Variants in VDAC2 observed in about 807,000 individuals in gnomAD.
VDAC2 encodes the protein non-selective voltage-gated ion channel VDAC2.
Under a neutral mutation model 36.6 loss-of-function variants are expected in VDAC2, and 6 were observed. The ratio of observed to expected loss-of-function variants is 0.16; its 90% CI spans 0.09 to 0.32. The LOEUF is 0.32. Among genes scored for constraint, VDAC2 ranks in the 10% least tolerant of loss-of-function variants. The pLI is 1.00. For synonymous variants in VDAC2, 109 were observed against 123.8 expected (o/e 0.88, Z 0.79); for missense variants, 247 against 346.0 (o/e 0.71, Z 2.27).
rs35378957 is a variant in VDAC2 at position 75,227,577 on chromosome 10, A to ATTTTTTT, written c.736-2052_736-2046dup. ...TAACTCTTACTGTTAAATAATAGGA[A>ATTTTTTT]TTTTTTTTTTTTTTTTTTTTTGGAG... On this transcript the variant is annotated intron_variant, in intron 8 of 9. Coordinates refer to ENST00000332211, the MANE Select transcript of VDAC2 (RefSeq NM_001391963.1). Among the ~76,000 whole-genome samples, 294 of 99,884 alleles carry ATTTTTTT rather than the reference A, an allele frequency of 2.9e-3. 8 individuals are homozygous for ATTTTTTT. Among genetic ancestry groups the ATTTTTTT allele is most frequent in the East Asian group, 9.4e-3 (24 of 2,562 alleles). 65.5% of individuals were successfully genotyped at this position (99,884 alleles called of 152,430 possible).
intron 6 of VDAC2, 106 bp from the exon 7 acceptor site, chr10:75,220,637 T>A: frequency 1.1e-6 from 1 of 944,534 alleles, no homozygotes. Context: ...TATTGCTGAT[T>A]TTTACTCCCT....
chr10:75,212,399 G>C, intron 3 of VDAC2, 101 bp downstream of exon 3: 1 of 1,091,562 alleles, frequency 9.2e-7, no homozygotes, highest in Non-Finnish European at 1.3e-6. Flanking sequence ...TAAATATCTT[G>C]CTGCTTTAAA....
intron 2 of VDAC2, 198 bp downstream of exon 2, chr10:75,211,387 G>A (rs1483161761): frequency 8.5e-6 from 12 of 1,411,122 alleles, no homozygotes; most frequent in African/African-American, 1.5e-5. Context: ...AAGGCCCGGG[G>A]AGTTGGTCTG....
At chr10:75,211,269 CT>C (rs1564707818) in intron 2 of VDAC2, 80 bp downstream of exon 2, 2 of 1,554,652 alleles carry the variant, frequency 1.3e-6, no homozygotes, top group Non-Finnish European at 1.7e-6. Context: ...TTGTTTCCCC[CT>C]ATCTTTCCAA....
In VDAC2 at chr10:75,220,986, A is replaced by G; in HGVS notation, c.584+16A>G. 1.2e-6 allele frequency: 2 copies of G among 1,607,922 alleles called. No homozygotes were observed. Among genetic ancestry groups the G allele is most frequent in the Non-Finnish European group, 1.7e-6 (2 of 1,175,304 alleles). ...ACACTAATGTGTAAGTATTTCTTTCATAGGATACTGTGATGTGGGCCCTCA... is the reference window on the plus strand; with the variant it reads ...ACACTAATGTGTAAGTATTTCTTTCGTAGGATACTGTGATGTGGGCCCTCA... On this transcript the variant is annotated intron_variant, in intron 7 of 9. Transcript: ENST00000332211.
chr10:75,215,172 C>T (rs1471991989), intron 4 of VDAC2, among the ~76,000 whole-genome samples: 1 of 151,982 alleles, frequency 6.6e-6, no homozygotes, highest in Non-Finnish European at 1.5e-5. Context: ...CCTTGGCCTC[C>T]CAAAGTGCTG....
chr10:75,211,001 C>T (rs1845021012), intron 1 of VDAC2, 63 bp downstream of exon 1: 2 of 836,174 alleles, frequency 2.4e-6, no homozygotes, highest in Non-Finnish European at 3.4e-6. Flanking sequence ...AGCCGGAGGC[C>T]CGCGCCGGAC....
Position 75,231,068 on chromosome 10 carries a change from T to A in VDAC2, c.*79T>A. 9.8e-7 allele frequency: 1 copy of A among 1,015,656 alleles called. No individual in the cohort carries two copies. The highest frequency in any genetic ancestry group is 1.5e-6 in the Non-Finnish European group (1 of 681,862). 62.9% of individuals were successfully genotyped at this position (1,015,656 alleles called of 1,614,324 possible). A position where few individuals can be genotyped will look rare whatever the true frequency, so the allele number is the denominator to read the frequency against. ...ATTTCCATTGTGACCAGCAGCAGGC[T>A]TTTTTCCCCCAAGAAGATGATCAAA... On this transcript the variant is annotated 3_prime_UTR_variant, in exon 10 of 10. Transcript: ENST00000332211.
chr10:75,222,372 A>G lies in VDAC2; in HGVS notation c.705A>G (p.Lys235=). The part of the protein sequence containing the change: ...TNCTRFGIAA[K]YQLDPTASIS... Reference sequence around the variant, plus strand: ...GCACTCGTTTTGGCATTGCAGCTAAATATCAGTTGGATCCCACTGCTTCCA... The same window carrying G: ...GCACTCGTTTTGGCATTGCAGCTAAGTATCAGTTGGATCCCACTGCTTCCA... The change falls in exon 8 of 10, where the codon AAA becomes AAG. Residue 235 remains lysine (K), a synonymous_variant. Transcript: ENST00000332211. The G allele has an allele frequency of 1.9e-6, 3 of 1,614,204 alleles. No individual in the cohort carries two copies. Among genetic ancestry groups the G allele is most frequent in the African/African-American group, 1.3e-5 (1 of 75,066 alleles).
chr10:75,219,192 A>G lies in VDAC2; in HGVS notation c.280A>G (p.Thr94Ala). 1 of 1,602,170 alleles carries G rather than the reference A, an allele frequency of 6.2e-7. No homozygotes were observed. The highest frequency in any genetic ancestry group is 2.2e-5 in the East Asian group (1 of 44,640). ...GTGGAACACTGATAACACTCTGGGAACAGAAATCGCAATTGAAGACCAGGT... is the reference window on the plus strand; with the variant it reads ...GTGGAACACTGATAACACTCTGGGAGCAGAAATCGCAATTGAAGACCAGGT... ...EKWNTDNTLG[T>A]EIAIEDQICQ... is the part of the protein sequence containing the mutation. Residue 94 changes from threonine (T) to alanine (A), a missense_variant, in exon 5 of 10, where the codon ACA becomes GCA. Transcript: ENST00000332211.
chr10:75,211,725 AT>A, intron 2 of VDAC2: 6 of 1,526,990 alleles, frequency 3.9e-6, no homozygotes, highest in Non-Finnish European at 5.3e-6. Flanking sequence ...ACATGGCAGT[AT>A]TTTTTCCAAG....
chr10:75,211,371 G>A, intron 2 of VDAC2, 182 bp downstream of exon 2: 1 of 1,396,706 alleles, frequency 7.2e-7, no homozygotes, highest in Non-Finnish European at 9.5e-7. Flanking sequence ...ATTTCAAATG[G>A]GGAACAAGGC....
rs1307894764 is a variant in VDAC2, at chr10:75,220,921, A to T, written c.535A>T (p.Asn179Tyr). 1 of 1,613,852 alleles carries T rather than the reference A, an allele frequency of 6.2e-7. No individual in the cohort carries two copies. The highest frequency in any genetic ancestry group is 2.2e-5 in the East Asian group (1 of 44,886). The change falls in exon 7 of 10, where the codon AAC (asparagine) becomes TAC (tyrosine). Residue 179 changes from asparagine (N) to tyrosine (Y), a missense_variant. Asn to Tyr is a moderately radical substitution (Grantham distance 143). This residue lies in a region of VDAC2 where 159 missense variants were observed against 234.0 expected (regional missense o/e 0.68). Coordinates refer to ENST00000332211, the MANE Select transcript of VDAC2 (RefSeq NM_001391963.1). ...DSAKSKLTRN[N>Y]FAVGYRTGDF... Reference sequence around the variant, plus strand: ...TGCCAAATCAAAGCTGACAAGGAATAACTTTGCAGTGGGCTACAGGACTGG... The same window carrying T: ...TGCCAAATCAAAGCTGACAAGGAATTACTTTGCAGTGGGCTACAGGACTGG...
intron 8 of VDAC2, among the ~76,000 whole-genome samples, chr10:75,224,116 G>C (rs1841893023): frequency 6.6e-6 from 1 of 152,214 alleles, no homozygotes; most frequent in African/African-American, 2.4e-5. Flanking sequence ...CAGAAGCAGA[G>C]TTAAAACAAC....
At chr10:75,212,500 C>T (rs1325396851) in intron 3 of VDAC2, among the ~76,000 whole-genome samples, 1 of 152,146 alleles carries the variant, frequency 6.6e-6, no homozygotes, top group Non-Finnish European at 1.5e-5. Context: ...CAGCCTGGAC[C>T]TCCTGGGCTC....
At chr10:75,211,009 G>C (rs893533961) in intron 1 of VDAC2, 71 bp downstream of exon 1, 4 of 891,600 alleles carry the variant, frequency 4.5e-6, no homozygotes, top group Non-Finnish European at 4.8e-6. Flanking sequence ...GCCCGCGCCG[G>C]ACTCGGAGTC....
At chr10:75,221,007 C>T (rs1398882454) in intron 7 of VDAC2, 37 bp downstream of exon 7, 1 of 1,571,326 alleles carries the variant, frequency 6.4e-7, no homozygotes, top group South Asian at 1.1e-5. Flanking sequence ...TGATGTGGGC[C>T]CTCAGAGGAT....
chr10:75,223,180 G>C (rs531354733), intron 8 of VDAC2, among the ~76,000 whole-genome samples: 1 of 151,698 alleles, frequency 6.6e-6, no homozygotes, highest in East Asian at 1.9e-4. Context: ...GATGGGATTT[G>C]TTGGCCAGAC....
Position 75,230,767 on chromosome 10 carries a change from A to T in VDAC2, c.794-131A>T, listed in dbSNP as rs1236389657. 7.1e-6 allele frequency: 5 copies of T among 700,630 alleles called. No homozygotes were observed. In the East Asian group the frequency reaches 1.4e-4, roughly 20 times the overall value. The allele number at this position is 700,630 out of a possible 1,614,324, so 43.4% of individuals were successfully genotyped here. On this transcript the variant is annotated intron_variant, in intron 9 of 9. Coordinates refer to ENST00000332211, the MANE Select transcript of VDAC2 (RefSeq NM_001391963.1). ...TTCCAAGCGCCCTCTGGTGGCCAGC[A>T]CTAGTAGGTCAGCTGACAGGCTGAG...
Sources: allele counts gnomAD v4.1 joint callset (sites outside exome capture counted in the v4.1 genomes callset), GRCh38; gene constraint gnomAD v4.1.1; regional missense constraint gnomAD v4.1.1; transcripts MANE v1.5; gene names NCBI Gene and HGNC (gene_info 2026-07-23, HGNC 2026-07-21).